The following MON2 variants were observed in gnomAD, a reference collection of about 807,000 sequenced individuals.
The protein encoded by MON2 is protein MON2 homolog.
In MON2, 84 loss-of-function variants were observed where a neutral mutation model predicts 208.6. The observed-to-expected ratio is 0.40, with a 90% CI of 0.34 to 0.48. The LOEUF (loss-of-function observed/expected upper bound fraction) is 0.48. MON2 is among the 20% of genes least tolerant of loss of function. The pLI is 0.59. For missense variants in MON2, 1,611 were observed against 2,015.4 expected, an observed-to-expected ratio of 0.80 and a Z score of 3.84; for synonymous variants, 660 against 694.0, an observed-to-expected ratio of 0.95 and a Z score of 0.77.
At chr12:62,563,645 A>G (rs551801285) in intron 26 of MON2, among the ~76,000 whole-genome samples, 1 of 152,158 alleles carries the variant, frequency 6.6e-6, no homozygotes, top group Non-Finnish European at 1.5e-5. Flanking sequence ...TTGTTAAAAA[A>G]TTGTGGGTTC....
rs147298880 is a variant in MON2 at position 62,590,901 on chromosome 12, C to T, written c.4991-1685C>T. Among the ~76,000 whole-genome samples the T allele has an allele frequency of 3.3e-3, 505 of 152,340 alleles. 4 individuals are homozygous for T. Among genetic ancestry groups the T allele is most frequent in the Non-Finnish European group, 5.4e-3 (369 of 68,030 alleles). ...CAGGCCTGACCTCAGGTGATCCACC[C>T]GCCTTGGCCTCCCAAAGTGCTGGAA... On this transcript the variant is annotated intron_variant, in intron 34 of 34. Transcript: ENST00000393630.
chr12:62,521,990 C>T (rs1211954614), intron 8 of MON2, among the ~76,000 whole-genome samples: 1 of 152,102 alleles, frequency 6.6e-6, no homozygotes, highest in South Asian at 2.1e-4. Flanking sequence ...GTCAGGAGTC[C>T]GAGACCATCC....
intron 5 of MON2, among the ~76,000 whole-genome samples, chr12:62,500,400 G>A (rs1333851084): frequency 6.6e-6 from 1 of 152,092 alleles, no homozygotes; most frequent in East Asian, 1.9e-4. Flanking sequence ...ATAGTGAAAT[G>A]GTAGAGGAGT....
Position 62,561,031 on chromosome 12 carries a change from C to T in MON2, c.3950C>T (p.Pro1317Leu), listed in dbSNP as rs577264313. Residue 1317 changes from proline (P) to leucine (L), a missense_variant, in exon 26 of 35, where the codon CCT becomes CTT. By Grantham distance (98) the Pro-to-Leu change is moderately conservative (BLOSUM62 -3). Transcript: ENST00000393630. ...ISVPISSDAS[P>L]FILPSYTEAV... ...GTCCCAATAAGTTCAGATGCATCCC[C>T]TTTTATTCTTCCATCTTATACCGAA... 16 of 1,613,204 alleles carry T rather than the reference C, an allele frequency of 9.9e-6. No individual in the cohort carries two copies. The African/African-American group carries it at 1.7e-4, about 17-fold the overall frequency.
intron 26 of MON2, 93 bp downstream of exon 26, chr12:62,561,206 A>T: frequency 9.3e-7 from 1 of 1,071,030 alleles, no homozygotes; most frequent in Non-Finnish European, 1.3e-6. Context: ...ATTTTAGATC[A>T]TCAAGATTGT....
chr12:62,498,896 C>G, intron 4 of MON2, 23 bp from the exon 5 acceptor site: 1 of 1,567,982 alleles, frequency 6.4e-7, no homozygotes, highest in Non-Finnish European at 8.6e-7. Flanking sequence ...TTATTTCACA[C>G]TAAATGAAAA....
intron 1 of MON2, among the ~76,000 whole-genome samples, chr12:62,479,414 G>A (rs918007961): frequency 1.6e-5 from 2 of 124,728 alleles, no homozygotes; most frequent in African/African-American, 6.5e-5. Context: ...TTTAAAATGT[G>A]TGTGTGTGTG....
chr12:62,532,610 A>G lies in MON2; in HGVS notation c.1573A>G (p.Thr525Ala). Reference sequence around the variant, plus strand: ...CACCACTGAAGAAGGTTCTTCACCAACACAGTCGACAGAACAGCAGGATTT... The same window carrying G: ...CACCACTGAAGAAGGTTCTTCACCAGCACAGTCGACAGAACAGCAGGATTT... ...QTTTEEGSSP[T>A]QSTEQQDLQS... Residue 525 changes from threonine to alanine, a missense_variant, in exon 12 of 35, where the codon ACA becomes GCA. Transcript: ENST00000393630. 1.2e-6 allele frequency: 2 copies of G among 1,614,142 alleles called. No homozygotes were observed. Among genetic ancestry groups the G allele is most frequent in the Non-Finnish European group, 1.7e-6 (2 of 1,179,978 alleles).
chr12:62,508,055 G>A (rs183272403), intron 7 of MON2, among the ~76,000 whole-genome samples: 537 of 152,246 alleles, frequency 3.5e-3, no homozygotes, highest in Admixed American at 7.1e-3. Context: ...ACAGGCATGA[G>A]CCACTATGCT....
chr12:62,532,523 G>C lies in MON2; in HGVS notation c.1486G>C (p.Val496Leu). The C allele has an allele frequency of 6.2e-7, 1 of 1,614,094 alleles. No homozygotes were observed. Among genetic ancestry groups the C allele is most frequent in the Non-Finnish European group, 8.5e-7 (1 of 1,180,000 alleles). ...GGCATTCCATTGTTTGCTAGACCTT[G>C]TTCGTGGAATCACAAGTATGATTGA... The part of the protein sequence containing the change: ...SVAFHCLLDL[V>L]RGITSMIEGE... The change falls in exon 12 of 35, where the codon GTT (valine) becomes CTT (leucine). Residue 496 changes from valine (V) to leucine (L), a missense_variant. Coordinates refer to ENST00000393630, the MANE Select transcript of MON2 (RefSeq NM_015026.3).
chr12:62,525,648 G>A (rs570600069), intron 10 of MON2, among the ~76,000 whole-genome samples: 11 of 152,136 alleles, frequency 7.2e-5, no homozygotes, highest in Admixed American at 6.6e-4. Flanking sequence ...TGTACTGAGT[G>A]ATGGTTTTGT....
intron 8 of MON2, among the ~76,000 whole-genome samples, chr12:62,521,691 C>T (rs556336244): frequency 1.3e-5 from 2 of 152,190 alleles, no homozygotes; most frequent in African/African-American, 4.8e-5. Context: ...TAGAATTTCT[C>T]ACTCATTAGG....
At chr12:62,579,079 A>C (rs2074900693) in intron 31 of MON2, among the ~76,000 whole-genome samples, 1 of 151,838 alleles carries the variant, frequency 6.6e-6, no homozygotes, top group Non-Finnish European at 1.5e-5. Flanking sequence ...CTACAAAAAA[A>C]AAAAAGTTTT....
intron 19 of MON2, among the ~76,000 whole-genome samples, chr12:62,539,562 C>T (rs1379662341): frequency 3.9e-5 from 6 of 151,970 alleles, no homozygotes; most frequent in East Asian, 1.9e-4. Context: ...CCACCGCGCC[C>T]GGCCATCTGC....
chr12:62,526,796 G>T (rs2072353363), intron 11 of MON2, among the ~76,000 whole-genome samples: 1 of 152,144 alleles, frequency 6.6e-6, no homozygotes, highest in Non-Finnish European at 1.5e-5. Flanking sequence ...CTATGAGGCA[G>T]TTATAGATAT....
At position 62,523,319 on chromosome 12, in the gene MON2, A is replaced by G. The variant is rs1309790748; in HGVS notation, c.985-1196A>G. On this transcript the variant is annotated intron_variant, in intron 8 of 34. Coordinates refer to ENST00000393630, the MANE Select transcript of MON2 (RefSeq NM_015026.3). ...ACATTTTTCTCATTTGATTTCCCAGAAAGATGTAGATATTTTCATCCTTTA... is the reference window on the plus strand; with the variant it reads ...ACATTTTTCTCATTTGATTTCCCAGGAAGATGTAGATATTTTCATCCTTTA... 3.3e-5 allele frequency among the ~76,000 whole-genome samples: 5 copies of G among 152,284 alleles called. No individual in the cohort carries two copies. The East Asian group carries it at 9.6e-4, about 29-fold the overall frequency.
intron 15 of MON2, 51 bp downstream of exon 15, chr12:62,537,314 G>C: frequency 8.2e-7 from 1 of 1,212,322 alleles, no homozygotes. Context: ...AAGGAAACTT[G>C]TTGTACCTAT....
intron 1 of MON2, among the ~76,000 whole-genome samples, chr12:62,481,254 T>C (rs1175091662): frequency 6.6e-6 from 1 of 152,040 alleles, no homozygotes; most frequent in Non-Finnish European, 1.5e-5. Context: ...CGGCCAGGCG[T>C]GGTGGCTCAC....
In MON2 at chr12:62,599,734, A is replaced by C. The variant is rs1200309178; in HGVS notation, c.*6985A>C. Reference sequence around the variant, plus strand: ...AAAGCAGTTCTTTCTACTACAGTACAATAGTTTCATGTTTTACAGTCCATT... The same window carrying C: ...AAAGCAGTTCTTTCTACTACAGTACCATAGTTTCATGTTTTACAGTCCATT... On this transcript the variant is annotated 3_prime_UTR_variant, in exon 35 of 35. Coordinates refer to ENST00000393630, the MANE Select transcript of MON2 (RefSeq NM_015026.3). The C allele has an allele frequency of 6.6e-6, 1 of 152,214 alleles. No homozygotes were observed. The highest frequency in any genetic ancestry group is 1.5e-5 in the Non-Finnish European group (1 of 68,032). 9.4% of individuals were successfully genotyped at this position (152,214 alleles called of 1,614,324 possible). A position where few individuals can be genotyped will look rare whatever the true frequency, so the allele number is the denominator to read the frequency against.
Sources: gnomAD v4.1 joint callset for allele counts (sites outside exome capture counted in the v4.1 genomes callset) on GRCh38, gnomAD v4.1.1 for gene constraint, MANE v1.5 for transcripts, NCBI Gene and HGNC (gene_info 2026-07-23, HGNC 2026-07-21) for gene names.